POLA1: variants seen among roughly 807,000 people sequenced by gnomAD.
The protein encoded by POLA1 is DNA polymerase alpha catalytic subunit.
POLA1 carries 15 observed loss-of-function variants against 124.0 expected under a neutral mutation model. That is an observed-to-expected ratio of 0.12 (90% confidence interval 0.08 to 0.19). POLA1 has a LOEUF of 0.19. Among genes scored for constraint, POLA1 ranks in the 10% least tolerant of loss-of-function variants. POLA1 has a pLI of 1.00. For synonymous variants in POLA1, 408 were observed against 389.4 expected, an observed-to-expected ratio of 1.05 and a Z score of -0.56; for missense variants, 886 against 1,103.4, an observed-to-expected ratio of 0.80 and a Z score of 2.79.
At chrX:24,841,868 G>A in intron 33 of POLA1, 38 bp downstream of exon 33, 1 of 1,032,744 alleles carries the variant, frequency 9.7e-7, no homozygotes, top group Non-Finnish European at 1.3e-6. Flanking sequence ...GAGTGAACTT[G>A]TATAAAGGCC....
At chrX:24,836,022 A>C (rs892951463) in intron 32 of POLA1, among the ~76,000 whole-genome samples, 21 of 111,717 alleles carry the variant, frequency 1.9e-4, no homozygotes, top group Non-Finnish European at 3.4e-4. Context: ...GAAACAGTAC[A>C]TTACTACATT....
chrX:24,939,692 A>G (rs746332316), intron 36 of POLA1, among the ~76,000 whole-genome samples: 1 of 111,875 alleles, frequency 8.9e-6, no homozygotes, highest in East Asian at 2.8e-4. Context: ...GATAAGTGCC[A>G]ACAGACCAAC....
At chrX:24,953,463 T>C (rs1219000465) in intron 36 of POLA1, among the ~76,000 whole-genome samples, 1 of 111,365 alleles carries the variant, frequency 9.0e-6, no homozygotes, top group African/African-American at 3.3e-5. Flanking sequence ...GGATAGGAAG[T>C]TCTTTCTAAG....
chrX:24,946,827 C>T (rs751469895), intron 36 of POLA1, among the ~76,000 whole-genome samples: 87 of 111,960 alleles, frequency 7.8e-4, no homozygotes, highest in Non-Finnish European at 5.6e-4. Flanking sequence ...TGTAATAGAG[C>T]ACTTTCTGAC....
At chrX:24,748,152 C>T (rs1403152927) in intron 24 of POLA1, among the ~76,000 whole-genome samples, 159 bp from the exon 25 acceptor site, 1 of 112,457 alleles carries the variant, frequency 8.9e-6, no homozygotes, top group East Asian at 2.8e-4. Flanking sequence ...GTTCTACAAC[C>T]CTCTCAGCTC....
intron 34 of POLA1, among the ~76,000 whole-genome samples, chrX:24,875,216 A>G (rs977507818): frequency 1.8e-5 from 2 of 111,680 alleles, no homozygotes; most frequent in African/African-American, 6.5e-5. Flanking sequence ...GTAAAATGTT[A>G]TAAGTGAAGA....
intron 34 of POLA1, among the ~76,000 whole-genome samples, chrX:24,881,184 A>G (rs1038560967): frequency 1.8e-5 from 2 of 112,048 alleles, no homozygotes; most frequent in Non-Finnish European, 3.8e-5. Flanking sequence ...ATTGAGAAGC[A>G]GCACCACCTA....
intron 35 of POLA1, among the ~76,000 whole-genome samples, chrX:24,896,896 C>T (rs1601846767): frequency 1.8e-5 from 2 of 112,232 alleles, no homozygotes; most frequent in African/African-American, 3.2e-5. Context: ...AGACGAGAGA[C>T]TGGGAAGCCT....
rs1366704514 is a variant in POLA1 at position 24,743,292 on chromosome X, A to G, written c.2529A>G (p.Ala843=). Residue 843 remains alanine (A), a synonymous_variant, in exon 23 of 37, where the codon GCA becomes GCG. Coordinates refer to ENST00000379068, the MANE Select transcript of POLA1 (RefSeq NM_001330360.2). ...AATACAAGAAAGGACGTAAGAAAGCAGCTTATGCTGGAGGCTTGGTTTTGG... is the reference window on the plus strand; with the variant it reads ...AATACAAGAAAGGACGTAAGAAAGCGGCTTATGCTGGAGGCTTGGTTTTGG... ...TNKYKKGRKK[A]AYAGGLVLDP... 2 of 1,178,166 alleles carry G rather than the reference A, an allele frequency of 1.7e-6. No homozygotes were observed. Among genetic ancestry groups the G allele is most frequent in the Admixed American group, 2.2e-5 (1 of 45,085 alleles).
intron 26 of POLA1, among the ~76,000 whole-genome samples, chrX:24,754,592 A>G (rs1201010912): frequency 9.0e-6 from 1 of 111,503 alleles, no homozygotes; most frequent in Non-Finnish European, 1.9e-5. Context: ...TAAAAAAGTA[A>G]AAGCAATAAA....
At chrX:24,801,924 G>GGTGGGTGTGTGT (rs1555994716) in intron 26 of POLA1, among the ~76,000 whole-genome samples, 30 of 74,540 alleles carry the variant, frequency 4.0e-4, no homozygotes, top group African/African-American at 1.3e-3. Context: ...GAGGTGGGTG[G>GGTGGGTGTGTGT]GTGTGTGTGT....
At chrX:24,868,940 T>C (rs951589036) in intron 34 of POLA1, among the ~76,000 whole-genome samples, 6 of 111,603 alleles carry the variant, frequency 5.4e-5, no homozygotes, top group African/African-American at 1.6e-4. Context: ...GTGGGAATTA[T>C]TCTTTTGTCT....
chrX:24,805,948 C>T (rs146963739), intron 26 of POLA1, among the ~76,000 whole-genome samples: 1 of 105,884 alleles, frequency 9.4e-6, no homozygotes, highest in South Asian at 4.2e-4. Flanking sequence ...GTAGACCTTT[C>T]TGGGTACTTG....
chrX:24,987,703 C>T (rs777359541), intron 36 of POLA1, among the ~76,000 whole-genome samples: 26 of 111,651 alleles, frequency 2.3e-4, no homozygotes, highest in Non-Finnish European at 3.2e-4. Flanking sequence ...GTTCCCTACC[C>T]GCAAACAAAT....
At chrX:24,935,253 T>C (rs1241156728) in intron 36 of POLA1, among the ~76,000 whole-genome samples, 2 of 112,416 alleles carry the variant, frequency 1.8e-5, no homozygotes, top group African/African-American at 6.5e-5. Flanking sequence ...TCAGTATGAA[T>C]TTTGGGGGGG....
chrX:24,788,465 A>C, intron 26 of POLA1: 2 of 1,197,733 alleles, frequency 1.7e-6, no homozygotes, highest in Middle Eastern at 3.2e-4. Context: ...CTCCTCCAGC[A>C]TATCTGTTCC....
In POLA1 at chrX:24,930,436, T is replaced by C; in HGVS notation, c.4165-17T>C. 5.7e-6 allele frequency: 6 copies of C among 1,059,272 alleles called. No individual in the cohort carries two copies. Among genetic ancestry groups the C allele is most frequent in the Non-Finnish European group, 7.9e-6 (6 of 756,559 alleles). 87.3% of individuals were successfully genotyped at this position (1,059,272 alleles called of 1,213,427 possible). Reference sequence around the variant, plus strand: ...CTCCCCAGTAGTAGTATTCATTTATTTTCTGTTATATTACAGTATTCTGAC... The same window carrying C: ...CTCCCCAGTAGTAGTATTCATTTATCTTCTGTTATATTACAGTATTCTGAC... On this transcript the variant is annotated splice_polypyrimidine_tract_variant and intron_variant, in intron 35 of 36. Coordinates refer to ENST00000379068, the MANE Select transcript of POLA1 (RefSeq NM_001330360.2).
At chrX:24,698,263 T>C (rs1569269010) in intron 1 of POLA1, among the ~76,000 whole-genome samples, 1 of 111,960 alleles carries the variant, frequency 8.9e-6, no homozygotes, top group Non-Finnish European at 1.9e-5. Context: ...AGTGTGTGTG[T>C]GGAACGGTCA....
rs751316705 is a variant in POLA1, at chrX:24,939,951, G to A, written c.4261+9402G>A. On this transcript the variant is annotated intron_variant, in intron 36 of 36. Transcript: ENST00000379068. ...CTTCTATAATTCTGTAATGTGAATG[G>A]CTTATTTAATAGCTATCTCTGCCTT... 2.7e-5 allele frequency among the ~76,000 whole-genome samples: 3 copies of A among 111,733 alleles called. No individual in the cohort carries two copies. In the East Asian group the frequency reaches 8.3e-4, roughly 31 times the overall value.
Sources: gnomAD v4.1 joint callset for allele counts (sites outside exome capture counted in the v4.1 genomes callset) on GRCh38, gnomAD v4.1.1 for gene constraint, MANE v1.5 for transcripts, NCBI Gene and HGNC (gene_info 2026-07-23, HGNC 2026-07-21) for gene names.